Variants in PCDHA12 observed in about 807,000 individuals in gnomAD.
PCDHA12 encodes the protein protocadherin alpha-12.
PCDHA12 carries 44 observed loss-of-function variants against 60.0 expected under a neutral mutation model. That is an observed-to-expected ratio of 0.73 (90% CI 0.58 to 0.94). The LOEUF is 0.94. PCDHA12 is among the 40% of genes least tolerant of loss of function. The pLI is 0.00. For missense variants in PCDHA12, 1,276 were observed against 1,239.7 expected, an observed-to-expected ratio of 1.03 and a Z score of -0.44; for synonymous variants, 569 against 553.0, an observed-to-expected ratio of 1.03 and a Z score of -0.40.
chr5:140,993,891 C>G (rs2097585722), intron 3 of PCDHA12, among the ~76,000 whole-genome samples: 1 of 152,096 alleles, frequency 6.6e-6, no homozygotes. Flanking sequence ...CTATGATGTC[C>G]ATACAACAAA....
intron 1 of PCDHA12, among the ~76,000 whole-genome samples, chr5:140,900,528 C>T (rs1261076566): frequency 2.6e-5 from 4 of 152,214 alleles, no homozygotes; most frequent in South Asian, 4.1e-4. Flanking sequence ...CTGCCCACCT[C>T]GGCTTTCCAA....
intron 1 of PCDHA12, among the ~76,000 whole-genome samples, chr5:140,946,992 A>G (rs1393633852): frequency 6.6e-6 from 1 of 151,790 alleles, no homozygotes; most frequent in Non-Finnish European, 1.5e-5. Context: ...TGAGTGTTCT[A>G]ACTTCAAAGA....
At chr5:140,934,695 T>G (rs155824) in intron 1 of PCDHA12, among the ~76,000 whole-genome samples, 48,210 of 151,950 alleles carry the variant, frequency 0.32, 7,985 homozygotes, top group East Asian at 0.53. Flanking sequence ...ATGAATTGAT[T>G]CCTGGCCATC....
intron 3 of PCDHA12, among the ~76,000 whole-genome samples, chr5:140,989,715 G>A (rs2097356088): frequency 6.6e-6 from 1 of 152,166 alleles, no homozygotes; most frequent in Non-Finnish European, 1.5e-5. Flanking sequence ...GAGGCAGTCA[G>A]CTTTGCAGTT....
At chr5:140,988,007 A>G (rs2097277966) in intron 3 of PCDHA12, among the ~76,000 whole-genome samples, 1 of 152,230 alleles carries the variant, frequency 6.6e-6, no homozygotes, top group Non-Finnish European at 1.5e-5. Context: ...TTCCCCAGAA[A>G]GAAAGCATGA....
intron 1 of PCDHA12, among the ~76,000 whole-genome samples, chr5:140,943,845 C>T (rs59104695): frequency 0.056 from 8,479 of 152,194 alleles, 700 homozygotes; most frequent in African/African-American, 0.18. Flanking sequence ...TGTAAGATGT[C>T]ACAGAAGTCA....
chr5:140,933,050 C>T (rs2088825990), intron 1 of PCDHA12, among the ~76,000 whole-genome samples: 1 of 152,018 alleles, frequency 6.6e-6, no homozygotes, highest in Admixed American at 6.5e-5. Context: ...GGATTACAGT[C>T]CAGGATCCTG....
intron 1 of PCDHA12, chr5:140,883,371 T>C (rs2059578130): frequency 1.2e-6 from 2 of 1,614,152 alleles, no homozygotes; most frequent in East Asian, 4.5e-5. Flanking sequence ...CCTAGCGCCA[T>C]TATTGCCCTA....
chr5:140,913,955 AT>A (rs2076529735), intron 1 of PCDHA12, among the ~76,000 whole-genome samples: 2 of 152,108 alleles, frequency 1.3e-5, no homozygotes, highest in African/African-American at 2.4e-5. Context: ...ATATGATATC[AT>A]TTTTAAAAAA....
At chr5:140,917,498 G>A (rs1303014069) in intron 1 of PCDHA12, among the ~76,000 whole-genome samples, 2 of 152,204 alleles carry the variant, frequency 1.3e-5, no homozygotes, top group African/African-American at 4.8e-5. Context: ...TGCCCAGAAT[G>A]ATATTTTCTA....
chr5:140,926,199 G>C (rs541337659), intron 1 of PCDHA12, among the ~76,000 whole-genome samples: 1 of 151,790 alleles, frequency 6.6e-6, no homozygotes, highest in African/African-American at 2.4e-5. Context: ...CACTTCTTTC[G>C]GGGGGCTCCT....
At chr5:140,953,025 G>A (rs1408416785) in intron 1 of PCDHA12, among the ~76,000 whole-genome samples, 9 of 152,024 alleles carry the variant, frequency 5.9e-5, no homozygotes, top group African/African-American at 1.9e-4. Flanking sequence ...ACATTAAGGG[G>A]GAAATCCACC....
intron 1 of PCDHA12, among the ~76,000 whole-genome samples, chr5:140,956,151 C>A (rs1193859248): frequency 6.6e-6 from 1 of 152,156 alleles, no homozygotes; most frequent in African/African-American, 2.4e-5. Flanking sequence ...CTTTCTCTTT[C>A]CTAATTGCCA....
intron 1 of PCDHA12, among the ~76,000 whole-genome samples, chr5:140,938,727 GA>G (rs2092176789): frequency 6.6e-6 from 1 of 151,904 alleles, no homozygotes; most frequent in Admixed American, 6.6e-5. Flanking sequence ...CGTTTCTACA[GA>G]AAAAAATAAT....
At position 141,009,895 on chromosome 5, in the gene PCDHA12, A is replaced by G; in HGVS notation, c.2784A>G (p.Lys928=). ...AGAAGGGTAACAAGACCCAGGAGAA[A>G]AAAGAGAAAGGGAACAGCACGACTG... ...KKKKGNKTQE[K]KEKGNSTTDN... The change falls in exon 4 of 4, where the codon AAA becomes AAG. Residue 928 remains lysine (K), a synonymous_variant. Coordinates refer to ENST00000398631, the MANE Select transcript of PCDHA12 (RefSeq NM_018903.4). 2 of 1,613,224 alleles carry G rather than the reference A, an allele frequency of 1.2e-6. No homozygotes were observed. Among genetic ancestry groups the G allele is most frequent in the Non-Finnish European group, 1.7e-6 (2 of 1,179,866 alleles).
At chr5:140,893,763 TG>T (rs1554185760) in intron 1 of PCDHA12, among the ~76,000 whole-genome samples, 1 of 152,156 alleles carries the variant, frequency 6.6e-6, no homozygotes, top group African/African-American at 2.4e-5. Flanking sequence ...ATAGGTGACT[TG>T]TCACTTTTCT....
At chr5:140,960,855 A>T (rs1363929142) in intron 1 of PCDHA12, among the ~76,000 whole-genome samples, 1 of 152,204 alleles carries the variant, frequency 6.6e-6, no homozygotes, top group Non-Finnish European at 1.5e-5. Context: ...GGCAACTATA[A>T]GCCAGAAATT....
chr5:140,926,569 A>T (rs1245214494), intron 1 of PCDHA12: 1 of 261,750 alleles, frequency 3.8e-6, no homozygotes, highest in Admixed American at 5.3e-5. Context: ...CTGCTACTGG[A>T]GACAGCACCT....
intron 3 of PCDHA12, among the ~76,000 whole-genome samples, chr5:141,007,033 T>C (rs1357363669): frequency 6.6e-6 from 1 of 152,120 alleles, no homozygotes; most frequent in Non-Finnish European, 1.5e-5. Flanking sequence ...GGTATTTATA[T>C]CTATGGATAT....
Sources: allele counts gnomAD v4.1 joint callset (sites outside exome capture counted in the v4.1 genomes callset), GRCh38; gene constraint gnomAD v4.1.1; transcripts MANE v1.5; gene names NCBI Gene and HGNC (gene_info 2026-07-23, HGNC 2026-07-21).